SYT16: variants seen among roughly 807,000 people sequenced by gnomAD.
The protein encoded by SYT16 is synaptotagmin-16.
In SYT16, 42 loss-of-function variants were observed where a neutral mutation model predicts 61.4. The ratio of observed to expected loss-of-function variants is 0.68; its 90% CI spans 0.53 to 0.89. The LOEUF is 0.89. Ranked by LOEUF, SYT16 falls within the 40% of genes least tolerant of loss-of-function variation. SYT16 has a pLI of 0.00. For missense variants in SYT16, 804 were observed against 807.3 expected (o/e 1.00, Z 0.05); for synonymous variants, 314 against 302.3 (o/e 1.04, Z -0.40).
chr14:61,912,280 TAA>T (rs1488260922), intron 1 of SYT16, among the ~76,000 whole-genome samples: 1 of 152,204 alleles, frequency 6.6e-6, no homozygotes, highest in Non-Finnish European at 1.5e-5. Flanking sequence ...TGGGCTTCTT[TAA>T]AAAATCAGAG....
intron 3 of SYT16, among the ~76,000 whole-genome samples, chr14:62,066,975 A>G (rs985573991): frequency 2.0e-5 from 3 of 152,202 alleles, no homozygotes; most frequent in Non-Finnish European, 4.4e-5. Context: ...ACCTGCTGTA[A>G]GAGGTCAGGG....
intron 1 of SYT16, among the ~76,000 whole-genome samples, chr14:61,846,744 C>T (rs1455776762): frequency 6.6e-6 from 1 of 151,784 alleles, no homozygotes; most frequent in African/African-American, 2.4e-5. Flanking sequence ...TTCATTCCTT[C>T]CTGCCTTCCT....
intron 1 of SYT16, among the ~76,000 whole-genome samples, chr14:61,911,729 C>G (rs547978487): frequency 8.6e-4 from 131 of 152,282 alleles, no homozygotes; most frequent in African/African-American, 3.0e-3. Context: ...AAGTGGGGCT[C>G]TCTGAGCTGT....
chr14:61,890,685 T>C (rs1402244456), intron 1 of SYT16, among the ~76,000 whole-genome samples: 2 of 152,064 alleles, frequency 1.3e-5, no homozygotes, highest in Non-Finnish European at 2.9e-5. Flanking sequence ...AAATTGTGTA[T>C]GTTAGTAAAT....
chr14:61,939,067 A>G (rs752626778), intron 1 of SYT16, among the ~76,000 whole-genome samples: 1 of 152,204 alleles, frequency 6.6e-6, no homozygotes, highest in African/African-American at 2.4e-5. Flanking sequence ...CCCAGTAGGC[A>G]GAGGTTGTAG....
chr14:61,948,223 T>A (rs1395115352), intron 1 of SYT16, among the ~76,000 whole-genome samples: 1 of 152,096 alleles, frequency 6.6e-6, no homozygotes, highest in Non-Finnish European at 1.5e-5. Flanking sequence ...TCTGGCAGTA[T>A]CCTGCGTAAG....
intron 1 of SYT16, chr14:61,864,989 A>T: frequency 7.2e-7 from 1 of 1,396,792 alleles, no homozygotes; most frequent in South Asian, 1.2e-5. Context: ...CCCCTCTTAC[A>T]GTGGCAGCCT....
chr14:62,026,348 C>T (rs2054102478), intron 3 of SYT16, among the ~76,000 whole-genome samples: 1 of 152,204 alleles, frequency 6.6e-6, no homozygotes, highest in African/African-American at 2.4e-5. Flanking sequence ...TTATTTCTCA[C>T]AGTTCTGGAG....
chr14:62,082,048 G>T (rs1045288802), intron 6 of SYT16, among the ~76,000 whole-genome samples: 1 of 152,168 alleles, frequency 6.6e-6, no homozygotes, highest in Non-Finnish European at 1.5e-5. Flanking sequence ...AGAGTGATAG[G>T]CTGCCGCTTG....
chr14:61,867,536 T>G (rs1455014470), intron 1 of SYT16, among the ~76,000 whole-genome samples: 1 of 152,086 alleles, frequency 6.6e-6, no homozygotes, highest in African/African-American at 2.4e-5. Context: ...CGAGAATTAA[T>G]AAATGAGTCT....
At chr14:61,959,579 G>A (rs1349971133) in intron 1 of SYT16, among the ~76,000 whole-genome samples, 1 of 151,882 alleles carries the variant, frequency 6.6e-6, no homozygotes, top group African/African-American at 2.4e-5. Flanking sequence ...GGTATGTTAT[G>A]TTTTTATGAA....
At chr14:62,112,788 A>G (rs1383549267), downstream of SYT16, among the ~76,000 whole-genome samples, 1 of 152,222 alleles carries the variant, frequency 6.6e-6, no homozygotes, top group African/African-American at 2.4e-5. Context: ...ATACAAATCA[A>G]CATATACCAG....
At chr14:62,029,641 T>C (rs1049040003) in intron 3 of SYT16, among the ~76,000 whole-genome samples, 1 of 152,176 alleles carries the variant, frequency 6.6e-6, no homozygotes, top group Non-Finnish European at 1.5e-5. Flanking sequence ...GCTTTGCAAA[T>C]TGATAAACTA....
At chr14:62,035,868 A>G (rs939094384) in intron 3 of SYT16, among the ~76,000 whole-genome samples, 17 of 152,212 alleles carry the variant, frequency 1.1e-4, no homozygotes, top group African/African-American at 3.9e-4. Flanking sequence ...AGATGCTCTT[A>G]GAATTCCTAC....
intron 3 of SYT16, among the ~76,000 whole-genome samples, chr14:62,051,704 CTT>C (rs988839080): frequency 7.2e-5 from 11 of 152,266 alleles, no homozygotes; most frequent in Non-Finnish European, 1.3e-4. Context: ...TATGTATAGT[CTT>C]ATATCTCAGT....
intron 2 of SYT16, among the ~76,000 whole-genome samples, chr14:61,994,237 A>G (rs1351430884): frequency 1.3e-5 from 2 of 152,212 alleles, no homozygotes; most frequent in East Asian, 3.9e-4. Flanking sequence ...CGCTTGTAGC[A>G]AAGTGATACA....
At chr14:61,861,491 C>T (rs550548859) in intron 1 of SYT16, among the ~76,000 whole-genome samples, 39 of 152,272 alleles carry the variant, frequency 2.6e-4, no homozygotes, top group African/African-American at 7.9e-4. Context: ...CTCACTACAG[C>T]CTTGATCTCT....
Position 61,887,763 on chromosome 14 carries a change from G to A in SYT16, c.-325+74953G>A, listed in dbSNP as rs578119210. ...GCCTTCATAGAATTGAAGAGAGTTC[G>A]GGCCTTGCTCATGATTAGGCTTTGG... On this transcript the variant is annotated intron_variant, in intron 1 of 7. Coordinates refer to ENST00000683842, the MANE Select transcript of SYT16 (RefSeq NM_001367656.1). 1.3e-4 allele frequency among the ~76,000 whole-genome samples: 20 copies of A among 152,276 alleles called. No individual in the cohort carries two copies. The South Asian group carries it at 2.9e-3, about 22-fold the overall frequency.
At chr14:62,005,720 CT>C (rs1287357532) in intron 3 of SYT16, among the ~76,000 whole-genome samples, 1 of 152,106 alleles carries the variant, frequency 6.6e-6, no homozygotes, top group Non-Finnish European at 1.5e-5. Flanking sequence ...ACTATGGCCC[CT>C]TTTAACCAAT....
Sources: allele counts gnomAD v4.1 joint callset (sites outside exome capture counted in the v4.1 genomes callset), GRCh38; gene constraint gnomAD v4.1.1; transcripts MANE v1.5; gene names NCBI Gene and HGNC (gene_info 2026-07-23, HGNC 2026-07-21).